SKAP1: variants seen among roughly 807,000 people sequenced by gnomAD.
SKAP1 encodes the protein src kinase associated phosphoprotein 1, also known as src kinase-associated phosphoprotein 1.
A neutral mutation model predicts 58.5 loss-of-function variants in SKAP1; 44 were observed. The observed-to-expected ratio is 0.75, with a 90% CI of 0.59 to 0.97. SKAP1 has a LOEUF of 0.97. SKAP1 is among the 50% of genes least tolerant of loss of function. The probability of loss-of-function intolerance (pLI) is 0.00; values close to 1 mark genes in which losing one functional copy is unlikely to be tolerated. For synonymous variants in SKAP1, 127 were observed against 149.7 expected, an observed-to-expected ratio of 0.85 and a Z score of 1.11; for missense variants, 390 against 435.2, an observed-to-expected ratio of 0.90 and a Z score of 0.92.
chr17:48,218,397 T>C lies in SKAP1; in HGVS notation c.281-28897A>G, dbSNP rs115487630. ...TGCCTGGCAAACCCAACATCAATATTCCCAACAGCATTTCATGAAACCTCT... is the reference window on the plus strand; with the variant it reads ...TGCCTGGCAAACCCAACATCAATATCCCCAACAGCATTTCATGAAACCTCT... On this transcript the variant is annotated intron_variant, in intron 4 of 12. Coordinates refer to ENST00000336915, the MANE Select transcript of SKAP1 (RefSeq NM_003726.4). Among the ~76,000 whole-genome samples, 436 of 152,204 alleles carry C rather than the reference T, an allele frequency of 2.9e-3. 2 individuals carry two copies. The highest frequency in any genetic ancestry group is 0.01 in the African/African-American group (419 of 41,526).
intron 7 of SKAP1, among the ~76,000 whole-genome samples, chr17:48,182,717 T>G (rs2064386308): frequency 6.6e-6 from 1 of 152,246 alleles, no homozygotes; most frequent in South Asian, 2.1e-4. Flanking sequence ...TTTGATTATC[T>G]ATTCCTTCAT....
At chr17:48,208,686 T>G (rs1481029127) in intron 4 of SKAP1, among the ~76,000 whole-genome samples, 2 of 152,240 alleles carry the variant, frequency 1.3e-5, no homozygotes, top group Admixed American at 6.5e-5. Context: ...CTATTCCTAG[T>G]GAACAGTTTA....
the SKAP1 span, among the ~76,000 whole-genome samples, chr17:48,442,938 A>C: frequency 6.6e-6 from 1 of 152,056 alleles, no homozygotes; most frequent in African/African-American, 2.4e-5. Flanking sequence ...CATCGCCACC[A>C]CCATAACCTC....
intron 1 of SKAP1, among the ~76,000 whole-genome samples, chr17:48,399,227 T>C (rs1287286778): frequency 6.6e-6 from 1 of 152,098 alleles, no homozygotes; most frequent in Non-Finnish European, 1.5e-5. Flanking sequence ...AATGAGGAAA[T>C]GGGAAGCTGA....
chr17:48,172,358 T>C (rs1430240279), intron 9 of SKAP1, among the ~76,000 whole-genome samples: 1 of 152,234 alleles, frequency 6.6e-6, no homozygotes, highest in African/African-American at 2.4e-5. Context: ...AGTCATAACA[T>C]AATTGGCCTA....
intron 4 of SKAP1, among the ~76,000 whole-genome samples, chr17:48,254,152 G>A (rs1391866898): frequency 6.6e-6 from 1 of 152,128 alleles, no homozygotes; most frequent in African/African-American, 2.4e-5. Context: ...ATTAGCTTCA[G>A]TGATTTCAAC....
At chr17:48,376,660 G>C (rs139691571) in intron 2 of SKAP1, among the ~76,000 whole-genome samples, 1 of 152,126 alleles carries the variant, frequency 6.6e-6, no homozygotes, top group Non-Finnish European at 1.5e-5. Flanking sequence ...CTCAAGTTAC[G>C]AATACTGCAT....
chr17:48,243,280 A>T (rs999452791), intron 4 of SKAP1, among the ~76,000 whole-genome samples: 1 of 152,154 alleles, frequency 6.6e-6, no homozygotes, highest in African/African-American at 2.4e-5. Flanking sequence ...GACTTCCCCT[A>T]GTAAAAATAA....
At chr17:48,174,562 T>C (rs1212312237) in intron 9 of SKAP1, among the ~76,000 whole-genome samples, 1 of 152,216 alleles carries the variant, frequency 6.6e-6, no homozygotes, top group Admixed American at 6.5e-5. Flanking sequence ...AAAGTCTTGT[T>C]GCTCACAAGA....
intron 3 of SKAP1, among the ~76,000 whole-genome samples, chr17:48,358,922 G>C (rs577603276): frequency 2.0e-5 from 3 of 152,058 alleles, no homozygotes; most frequent in African/African-American, 7.2e-5. Context: ...TAGAGGAGCT[G>C]GGATTCGAAT....
At chr17:48,425,853 T>C (rs2067848995) in intron 1 of SKAP1, among the ~76,000 whole-genome samples, 1 of 152,136 alleles carries the variant, frequency 6.6e-6, no homozygotes, top group South Asian at 2.1e-4. Context: ...ACAAAGCAGT[T>C]CAGGGGCAAC....
intron 4 of SKAP1, among the ~76,000 whole-genome samples, chr17:48,314,244 G>A (rs1309635089): frequency 2.0e-5 from 3 of 152,108 alleles, no homozygotes; most frequent in South Asian, 4.1e-4. Context: ...AATGACAGTC[G>A]ATTTTCCTTT....
chr17:48,422,607 G>C (rs1269537954), intron 1 of SKAP1, among the ~76,000 whole-genome samples: 3 of 152,144 alleles, frequency 2.0e-5, no homozygotes, highest in African/African-American at 7.2e-5. Context: ...GTTAGAATTT[G>C]AATCTAGGCA....
chr17:48,202,968 T>C (rs770109406), intron 4 of SKAP1, among the ~76,000 whole-genome samples: 3 of 152,172 alleles, frequency 2.0e-5, no homozygotes, highest in Non-Finnish European at 2.9e-5. Context: ...AAAGCATCTT[T>C]TGTCAGACCA....
At chr17:48,334,644 A>T (rs1426476082) in intron 4 of SKAP1, among the ~76,000 whole-genome samples, 1 of 151,878 alleles carries the variant, frequency 6.6e-6, no homozygotes, top group Non-Finnish European at 1.5e-5. Context: ...TCAAGAAATC[A>T]AGGTAAGATT....
intron 4 of SKAP1, among the ~76,000 whole-genome samples, chr17:48,201,345 T>G (rs184575929): frequency 1.3e-5 from 2 of 150,822 alleles, no homozygotes; most frequent in African/African-American, 4.9e-5. Context: ...CTCTCTCTCT[T>G]CCTTGCTTCT....
chr17:48,232,683 C>T (rs2065138531), intron 4 of SKAP1, among the ~76,000 whole-genome samples: 1 of 152,168 alleles, frequency 6.6e-6, no homozygotes, highest in Non-Finnish European at 1.5e-5. Flanking sequence ...TTGATTGCTA[C>T]AGTTTCAATA....
At chr17:48,143,883 G>A (rs1378609120) in intron 11 of SKAP1, among the ~76,000 whole-genome samples, 3 of 152,152 alleles carry the variant, frequency 2.0e-5, no homozygotes, top group Non-Finnish European at 2.9e-5. Context: ...CTCTTTAGTC[G>A]TAATGCCAGG....
intron 3 of SKAP1, among the ~76,000 whole-genome samples, chr17:48,361,545 A>T (rs2144391821): frequency 6.6e-6 from 1 of 152,326 alleles, no homozygotes; most frequent in South Asian, 2.1e-4. Context: ...TACTAAAAGG[A>T]TATACAAATA....
Sources: allele counts gnomAD v4.1 joint callset (sites outside exome capture counted in the v4.1 genomes callset), GRCh38; gene constraint gnomAD v4.1.1; transcripts MANE v1.5; gene names NCBI Gene and HGNC (gene_info 2026-07-23, HGNC 2026-07-21).